The following ZNHIT3 variants were observed in gnomAD, a reference collection of about 807,000 sequenced individuals.
The protein encoded by ZNHIT3 is zinc finger HIT-type containing 3.
ZNHIT3 carries 27 observed loss-of-function variants against 19.9 expected under a neutral mutation model. The observed-to-expected ratio is 1.36, with a 90% CI of 1.00 to 1.87. ZNHIT3 has a LOEUF of 1.87. Ranked by LOEUF, ZNHIT3 falls within the 40% of genes most tolerant of loss-of-function variation. ZNHIT3 has a pLI of 0.00. For missense variants in ZNHIT3, 215 were observed against 185.6 expected (o/e 1.16, Z -0.92); for synonymous variants, 81 against 65.7 (o/e 1.23, Z -1.13).
downstream of ZNHIT3, chr17:36,497,643 G>A (rs1447005389): frequency 2.3e-5 from 16 of 688,664 alleles, no homozygotes; most frequent in Non-Finnish European, 2.7e-5. Context: ...GGAGTGCAGC[G>A]GCGCAATCTC....
chr17:36,499,293 A>G, downstream of ZNHIT3: 1 of 594,246 alleles, frequency 1.7e-6, no homozygotes, highest in South Asian at 1.9e-5. Context: ...AAATTGCTAC[A>G]AATAAGGTTC....
At chr17:36,496,738 A>G (rs755848210), downstream of ZNHIT3, among the ~76,000 whole-genome samples, 5 of 152,062 alleles carry the variant, frequency 3.3e-5, no homozygotes, top group African/African-American at 4.8e-5. Flanking sequence ...CTCTGAATGG[A>G]AATTTGGTGT....
downstream of ZNHIT3, chr17:36,498,697 G>T: frequency 1.0e-6 from 1 of 961,628 alleles, no homozygotes; most frequent in Non-Finnish European, 1.5e-6. Context: ...TGGCTGCCCT[G>T]AACCAAACTG....
At chr17:36,495,196 C>T in intron 4 of ZNHIT3, 27 bp from the exon 5 acceptor site, 1 of 1,543,394 alleles carries the variant, frequency 6.5e-7, no homozygotes, top group Non-Finnish European at 8.7e-7. Context: ...TGAACTCAGA[C>T]TGGCTTTTTT....
At chr17:36,493,036 A>T in intron 3 of ZNHIT3, 137 bp downstream of exon 3, 1 of 782,836 alleles carries the variant, frequency 1.3e-6, no homozygotes, top group Non-Finnish European at 2.2e-6. Flanking sequence ...AGCCTTGAGC[A>T]TCAGGAGTGG....
downstream of ZNHIT3, chr17:36,498,428 G>A: frequency 6.2e-7 from 1 of 1,614,012 alleles, no homozygotes; most frequent in Non-Finnish European, 8.5e-7. Context: ...CCAGTCCCAG[G>A]GGCCAGAGGC....
intron 2 of ZNHIT3, 156 bp from the exon 3 acceptor site, chr17:36,492,657 T>C: frequency 1.5e-6 from 1 of 675,414 alleles, no homozygotes. Flanking sequence ...AATCTCTCTC[T>C]TGCTTTGATC....
rs2142558040 is a variant in ZNHIT3, at chr17:36,495,251, G to A, written c.315G>A (p.Leu105=). ...AATCTGCAACATTAAGAAGCTTATT[G>A]CTCAATCCACACCTCAGGCAGTTGA... ...LGESATLRSL[L]LNPHLRQLMV... Residue 105 remains leucine (L), a synonymous_variant, in exon 5 of 5, where the codon TTG becomes TTA. Coordinates refer to ENST00000617429, the MANE Select transcript of ZNHIT3 (RefSeq NM_004773.4). 6.3e-7 allele frequency: 1 copy of A among 1,583,166 alleles called. No homozygotes were observed. Among genetic ancestry groups the A allele is most frequent in the Non-Finnish European group, 8.6e-7 (1 of 1,168,436 alleles).
chr17:36,498,416 G>A (rs201089248), downstream of ZNHIT3: 23 of 1,614,040 alleles, frequency 1.4e-5, no homozygotes, highest in East Asian at 5.1e-4. Flanking sequence ...TATTGGCCAG[G>A]ACCAGTCCCA....
At chr17:36,488,261 C>T (rs1241022497) in intron 2 of ZNHIT3, among the ~76,000 whole-genome samples, 1 of 150,864 alleles carries the variant, frequency 6.6e-6, no homozygotes, top group Non-Finnish European at 1.5e-5. Context: ...CTAGTGCATA[C>T]AGGCTGGGCG....
In ZNHIT3 at chr17:36,487,377, G is replaced by A. The variant is rs560254371; in HGVS notation, c.118+411G>A. Among the ~76,000 whole-genome samples, 10 of 152,364 alleles carry A rather than the reference G, an allele frequency of 6.6e-5. No individual in the cohort carries two copies. In the South Asian group the frequency reaches 1.2e-3, roughly 19 times the overall value. ...CAGTATTTTCACTCGTGTAAATAAT[G>A]TCTTGTTAGAAACAAAGAGGTAAGT... On this transcript the variant is annotated intron_variant, in intron 2 of 4. Transcript: ENST00000617429.
At chr17:36,492,462 A>C in intron 2 of ZNHIT3, 1 of 233,100 alleles carries the variant, frequency 4.3e-6, no homozygotes. Flanking sequence ...TTGACTCTGT[A>C]AGTTCTTTGG....
downstream of ZNHIT3, chr17:36,498,217 C>T (rs2142682557): frequency 3.8e-6 from 6 of 1,573,278 alleles, no homozygotes; most frequent in East Asian, 1.4e-4. Flanking sequence ...AGGCTTTGCT[C>T]CTGCTGTTCT....
chr17:36,495,173 A>G (rs929950428), intron 4 of ZNHIT3, 50 bp from the exon 5 acceptor site: 9 of 1,525,346 alleles, frequency 5.9e-6, no homozygotes, highest in Admixed American at 2.3e-5. Flanking sequence ...AGCCATCTCC[A>G]TGTGTTTCCA....
At chr17:36,492,479 T>C in intron 2 of ZNHIT3, 1 of 261,928 alleles carries the variant, frequency 3.8e-6, no homozygotes, top group South Asian at 8.9e-5. Flanking sequence ...TTGGTGGTTT[T>C]GCCCCTAGTT....
At chr17:36,487,839 C>G (rs1599141856) in intron 2 of ZNHIT3, among the ~76,000 whole-genome samples, 1 of 151,558 alleles carries the variant, frequency 6.6e-6, no homozygotes, top group East Asian at 1.9e-4. Flanking sequence ...CGCGGTGGGT[C>G]ACGCCTGTAA....
At chr17:36,495,956 A>T (rs557122032), downstream of ZNHIT3, 36 of 894,864 alleles carry the variant, frequency 4.0e-5, no homozygotes, top group East Asian at 1.6e-4. Flanking sequence ...GTAGTGACAG[A>T]CAGTCATGAC....
chr17:36,496,941 C>T (rs756763688), downstream of ZNHIT3, among the ~76,000 whole-genome samples: 8 of 152,168 alleles, frequency 5.3e-5, no homozygotes, highest in Non-Finnish European at 1.2e-4. Flanking sequence ...TCCTCGGCCA[C>T]TTTAATTCTA....
downstream of ZNHIT3, chr17:36,498,166 A>C: frequency 2.2e-6 from 3 of 1,370,464 alleles, no homozygotes; most frequent in Non-Finnish European, 3.0e-6. Context: ...TTAGGGATGG[A>C]TCTTGTCCCA....
Sources: gnomAD v4.1 joint callset for allele counts (sites outside exome capture counted in the v4.1 genomes callset) on GRCh38, gnomAD v4.1.1 for gene constraint, MANE v1.5 for transcripts, NCBI Gene and HGNC (gene_info 2026-07-23, HGNC 2026-07-21) for gene names.